The following ZNF462 variants were observed in gnomAD, a reference collection of about 807,000 sequenced individuals.
ZNF462 encodes the protein zinc finger protein 462.
In ZNF462, 10 loss-of-function variants were observed where a neutral mutation model predicts 201.9. That is an observed-to-expected ratio of 0.05 (90% CI 0.03 to 0.08). The LOEUF (loss-of-function observed/expected upper bound fraction) is 0.08, where lower values mean the gene tolerates loss of function less well. ZNF462 is among the 10% of genes least tolerant of loss of function. The pLI is 1.00. For synonymous variants in ZNF462, 1,227 were observed against 1,193.3 expected, an observed-to-expected ratio of 1.03 and a Z score of -0.58; for missense variants, 2,523 against 3,168.3, an observed-to-expected ratio of 0.80 and a Z score of 4.89.
In ZNF462 at chr9:106,984,857, G is replaced by A. The variant is rs368147200; in HGVS notation, c.7056+448G>A. 6.6e-6 allele frequency among the ~76,000 whole-genome samples: 1 copy of A among 152,300 alleles called. No homozygotes were observed. The highest frequency in any genetic ancestry group is 1.9e-4 in the East Asian group (1 of 5,186). ...AGAGCAAATATTTTAGCCTTTGCAGGCCTAAAATGTAGTCTTTGTGGCAAT... is the reference window on the plus strand; with the variant it reads ...AGAGCAAATATTTTAGCCTTTGCAGACCTAAAATGTAGTCTTTGTGGCAAT... On this transcript the variant is annotated intron_variant, in intron 10 of 12. Transcript: ENST00000277225. This position sits in a 1 kb window ranked among gnomAD's most constrained non-coding sequence, Gnocchi z 6.4.
chr9:106,924,196 A>G lies in ZNF462; in HGVS notation c.284A>G (p.Gln95Arg). ...GGCCACAGTCCAGGATATTATGGTC[A>G]GCATATTGCCGCTAATCCCAAACCA... ...YYGHSPGYYGQHIAANPKPTN... is the reference protein window; with the variant it reads ...YYGHSPGYYGRHIAANPKPTN... Residue 95 changes from glutamine (Q) to arginine (R), a missense_variant, in exon 3 of 13, where the codon CAG becomes CGG. Physicochemically the swap from Gln to Arg is conservative, Grantham distance 43. Around this residue, in one of 15 missense-constraint regions of ZNF462, gnomAD observed 480 missense variants for 544.4 expected, o/e 0.88. Transcript: ENST00000277225. The surrounding 1 kb of genome is among the most constrained non-coding windows in gnomAD (Gnocchi z 6.2). 6.2e-7 allele frequency: 1 copy of G among 1,614,168 alleles called. No individual in the cohort carries two copies.
chr9:106,937,648 T>G (rs1266628906), intron 6 of ZNF462, among the ~76,000 whole-genome samples: 2 of 152,182 alleles, frequency 1.3e-5, no homozygotes, highest in East Asian at 3.8e-4. Context: ...ATATATTTCC[T>G]TTCAGTCATT....
intron 1 of ZNF462, among the ~76,000 whole-genome samples, chr9:106,863,765 G>A (rs543548968): frequency 1.6e-4 from 25 of 151,780 alleles, no homozygotes; most frequent in African/African-American, 6.0e-4. Flanking sequence ...TGAGTGAGAA[G>A]AGAGCTGGAG....
rs768522202 is a variant in ZNF462 at position 107,013,477 on chromosome 9, A to G, written c.*2447A>G. ...TGACTCCAGTAATCAGTGTTTCCCAATACTTCATAAGAGATAGGGAGACCC... is the reference window on the plus strand; with the variant it reads ...TGACTCCAGTAATCAGTGTTTCCCAGTACTTCATAAGAGATAGGGAGACCC... On this transcript the variant is annotated 3_prime_UTR_variant, in exon 13 of 13. Transcript: ENST00000277225. 1 of 152,190 alleles carries G rather than the reference A, an allele frequency of 6.6e-6. No homozygotes were observed. The highest frequency in any genetic ancestry group is 1.9e-4 in the East Asian group (1 of 5,202). The allele number at this position is 152,190 out of a possible 1,614,324, so 9.4% of individuals were successfully genotyped here.
At chr9:107,004,801 TACA>T (rs1829435098) in intron 11 of ZNF462, among the ~76,000 whole-genome samples, 1 of 152,158 alleles carries the variant, frequency 6.6e-6, no homozygotes, top group Non-Finnish European at 1.5e-5. Flanking sequence ...CACTGTGTTG[TACA>T]ATAGATCTCT....
In ZNF462 at chr9:106,895,531, A is replaced by G. The variant is rs891906098; in HGVS notation, c.-30-27823A>G. On this transcript the variant is annotated intron_variant, in intron 1 of 12. Coordinates refer to ENST00000277225, the MANE Select transcript of ZNF462 (RefSeq NM_021224.6). This position sits in a 1 kb window ranked among gnomAD's most constrained non-coding sequence, Gnocchi z 4.4. ...ATCTTGATAGGGCACAGCTTTCGTT[A>G]TATCACATTGCCCTGATTAAGGATG... Among the ~76,000 whole-genome samples, 4 of 152,168 alleles carry G rather than the reference A, an allele frequency of 2.6e-5. No homozygotes were observed. Among genetic ancestry groups the G allele is most frequent in the Admixed American group, 6.5e-5 (1 of 15,278 alleles).
rs1588067213 is a variant in ZNF462 at position 106,926,537 on chromosome 9, C to T, written c.2625C>T (p.Tyr875=). ...CATACATTAAATTCAGCTTTAGGTA[C>T]ATCTTGGACCCCAATGATCACAGTG... The part of the protein sequence containing the change: ...MHPYIKFSFR[Y]ILDPNDHSAV... The change falls in exon 3 of 13, where the codon TAC becomes TAT. Residue 875 remains tyrosine (Y), a synonymous_variant. Coordinates refer to ENST00000277225, the MANE Select transcript of ZNF462 (RefSeq NM_021224.6). This position sits in a 1 kb window ranked among gnomAD's most constrained non-coding sequence, Gnocchi z 7.9. 6.2e-7 allele frequency: 1 copy of T among 1,614,142 alleles called. No homozygotes were observed. The highest frequency in any genetic ancestry group is 8.5e-7 in the Non-Finnish European group (1 of 1,180,040).
At position 106,966,146 on chromosome 9, in the gene ZNF462, A is replaced by G. The variant is rs1485783787; in HGVS notation, c.6428-5859A>G. On this transcript the variant is annotated intron_variant, in intron 7 of 12. Coordinates refer to ENST00000277225, the MANE Select transcript of ZNF462 (RefSeq NM_021224.6). The surrounding 1 kb of genome is among the most constrained non-coding windows in gnomAD (Gnocchi z 4.4). ...TTAGTTGCTAAATAGTCTGCTTTTC[A>G]GAAGAAAATTACAATCCATGTATTA... is the stretch of plus-strand genomic sequence containing the variant. Among the ~76,000 whole-genome samples the G allele has an allele frequency of 1.3e-5, 2 of 152,104 alleles. No individual in the cohort carries two copies. Among genetic ancestry groups the G allele is most frequent in the African/African-American group, 2.4e-5 (1 of 41,440 alleles).
At chr9:106,991,843 C>G (rs1421832253) in intron 10 of ZNF462, among the ~76,000 whole-genome samples, 2 of 82,432 alleles carry the variant, frequency 2.4e-5, no homozygotes, top group East Asian at 4.5e-4. Context: ...ACTCTCTACA[C>G]ACACACACAC....
At chr9:106,906,749 T>C (rs531413382) in intron 1 of ZNF462, among the ~76,000 whole-genome samples, 7 of 152,378 alleles carry the variant, frequency 4.6e-5, no homozygotes, top group African/African-American at 1.7e-4. Flanking sequence ...TTTAACGTGT[T>C]GAAATTTGTT....
chr9:106,994,705 T>G (rs1344787378), intron 10 of ZNF462, among the ~76,000 whole-genome samples: 1 of 152,106 alleles, frequency 6.6e-6, no homozygotes, highest in Non-Finnish European at 1.5e-5. Context: ...CAGAATTAGA[T>G]GAGCAAGAGG....
In ZNF462 at chr9:106,929,491, A is replaced by T; in HGVS notation, c.5579A>T (p.Glu1860Val). 2 of 1,614,134 alleles carry T rather than the reference A, an allele frequency of 1.2e-6. No individual in the cohort carries two copies. The highest frequency in any genetic ancestry group is 1.7e-6 in the Non-Finnish European group (2 of 1,180,040). The change falls in exon 3 of 13, where the codon GAG (glutamate) becomes GTG (valine). Residue 1860 changes from glutamate to valine, a missense_variant. Transcript: ENST00000277225. The surrounding 1 kb of genome is among the most constrained non-coding windows in gnomAD (Gnocchi z 8.7). ...KCFKLSFSTA[E>V]LLCMHYTDHH... is the part of the protein sequence containing the mutation. ...TTCAAGCTGTCCTTTAGCACTGCAG[A>T]GCTGCTGTGCATGCATTACACTGAC...
At chr9:106,995,756 C>T (rs1280845961) in intron 10 of ZNF462, 3 of 152,062 alleles carry the variant, frequency 2.0e-5, no homozygotes, top group African/African-American at 7.2e-5. Flanking sequence ...TAGAAAGTGC[C>T]TACTTTTATT....
Position 106,963,588 on chromosome 9 carries a change from A to G in ZNF462, c.6428-8417A>G, listed in dbSNP as rs908529212. ...CAATCTAATGGATATTTTCTTAAGT[A>G]CCATCATTAAGTATTTATGGTGATA... On this transcript the variant is annotated intron_variant, in intron 7 of 12. Transcript: ENST00000277225. This position sits in a 1 kb window ranked among gnomAD's most constrained non-coding sequence, Gnocchi z 4.7. Among the ~76,000 whole-genome samples, 2 of 152,018 alleles carry G rather than the reference A, an allele frequency of 1.3e-5. No homozygotes were observed. The highest frequency in any genetic ancestry group is 2.9e-5 in the Non-Finnish European group (2 of 67,988).
chr9:106,969,399 G>GT (rs1321099143), intron 7 of ZNF462, among the ~76,000 whole-genome samples: 2 of 152,248 alleles, frequency 1.3e-5, no homozygotes, highest in Non-Finnish European at 2.9e-5. Context: ...TATAGAATTT[G>GT]TTTTTTGAGA....
In ZNF462 at chr9:106,890,882, C is replaced by T. The variant is rs894262404; in HGVS notation, c.-31+27527C>T. 4.6e-5 allele frequency among the ~76,000 whole-genome samples: 7 copies of T among 152,202 alleles called. No homozygotes were observed. The highest frequency in any genetic ancestry group is 8.8e-5 in the Non-Finnish European group (6 of 68,026). On this transcript the variant is annotated intron_variant, in intron 1 of 12. Transcript: ENST00000277225. This position sits in a 1 kb window ranked among gnomAD's most constrained non-coding sequence, Gnocchi z 4.2. The stretch of plus-strand genomic sequence containing the variant: ...AAAGAGATGACCCAAGCAACTTTCT[C>T]ACTTTTATTCTTGAAGACTAAATGG...
intron 9 of ZNF462, chr9:106,979,618 G>A (rs1226051494): frequency 6.6e-6 from 1 of 151,480 alleles, no homozygotes; most frequent in Non-Finnish European, 1.5e-5. Context: ...GCCATGAAGA[G>A]TCAGGCAAGG....
At chr9:106,910,288 G>A (rs1829487109) in intron 1 of ZNF462, among the ~76,000 whole-genome samples, 1 of 143,350 alleles carries the variant, frequency 7.0e-6, no homozygotes. Context: ...TCTGTGTCCT[G>A]TTCCTCCAAA....
At chr9:106,994,499 T>G (rs1298859880) in intron 10 of ZNF462, among the ~76,000 whole-genome samples, 2 of 150,736 alleles carry the variant, frequency 1.3e-5, no homozygotes. Flanking sequence ...TTTGGCCACA[T>G]TTTTTTTTGG....
Sources: gnomAD v4.1 joint callset for allele counts (sites outside exome capture counted in the v4.1 genomes callset) on GRCh38, gnomAD v4.1.1 for gene constraint, gnomAD v4.1.1 regional missense constraint, Gnocchi (gnomAD v3.1) non-coding constraint, MANE v1.5 for transcripts, NCBI Gene and HGNC (gene_info 2026-07-23, HGNC 2026-07-21) for gene names.